Variants in FANCI observed in about 807,000 individuals in gnomAD.
FANCI encodes Fanconi anemia group I protein.
FANCI carries 156 observed loss-of-function variants against 176.1 expected under a neutral mutation model. That is an observed-to-expected ratio of 0.89 (90% CI 0.78 to 1.01). The LOEUF (loss-of-function observed/expected upper bound fraction) is 1.01, where lower values mean the gene tolerates loss of function less well. Ranked by LOEUF, FANCI falls within the 50% of genes least tolerant of loss-of-function variation. The probability of loss-of-function intolerance (pLI) is 0.00; values close to 1 mark genes in which losing one functional copy is unlikely to be tolerated. For missense variants in FANCI, 1,678 were observed against 1,534.1 expected (o/e 1.09, Z -1.57); for synonymous variants, 613 against 541.7 (o/e 1.13, Z -1.83).
intron 19 of FANCI, 129 bp downstream of exon 19, chr15:89,290,410 T>G: frequency 1.3e-6 from 1 of 755,504 alleles, no homozygotes; most frequent in South Asian, 1.5e-5. Context: ...GAACATGCTG[T>G]GGGTATGTTA....
intron 2 of FANCI, among the ~76,000 whole-genome samples, chr15:89,250,562 G>A (rs1377301197): frequency 7.9e-6 from 1 of 126,410 alleles, no homozygotes; most frequent in East Asian, 2.9e-4. Context: ...AGGGGAGGGG[G>A]GAGGGATAGC....
At position 89,315,335 on chromosome 15, in the gene FANCI, A is replaced by G; in HGVS notation, c.3870A>G (p.Lys1290=). Residue 1290 remains lysine, a synonymous_variant, in exon 37 of 38, where the codon AAA becomes AAG. Coordinates refer to ENST00000310775, the MANE Select transcript of FANCI (RefSeq NM_001113378.2). ...KLSTSRDFKI[K]GNILDMVLRE... ...GCACCTCACGAGACTTCAAGATCAAAGGAAACATCCTAGACATGGTTCTTC... is the reference window on the plus strand; with the variant it reads ...GCACCTCACGAGACTTCAAGATCAAGGGAAACATCCTAGACATGGTTCTTC... 6.2e-7 allele frequency: 1 copy of G among 1,614,106 alleles called. No individual in the cohort carries two copies. Among genetic ancestry groups the G allele is most frequent in the South Asian group, 1.1e-5 (1 of 91,080 alleles).
At chr15:89,314,579 C>T (rs1212451342) in intron 35 of FANCI, 33 bp from the exon 36 acceptor site, 2 of 1,530,964 alleles carry the variant, frequency 1.3e-6, no homozygotes, top group South Asian at 1.1e-5. Flanking sequence ...ACCATTGAAC[C>T]TGAAATTTAA....
At chr15:89,296,792 C>T (rs868310780) in intron 24 of FANCI, among the ~76,000 whole-genome samples, 17 of 151,672 alleles carry the variant, frequency 1.1e-4, no homozygotes, top group African/African-American at 3.9e-4. Context: ...GACGGGGCGG[C>T]TGGCCAGGTG....
At chr15:89,284,610 A>T (rs2053745319) in intron 17 of FANCI, among the ~76,000 whole-genome samples, 1 of 152,194 alleles carries the variant, frequency 6.6e-6, no homozygotes, top group South Asian at 2.1e-4. Flanking sequence ...AGGATTAGGA[A>T]TTCTTGGTCT....
In FANCI at chr15:89,258,772, C is replaced by G. The variant is rs1232437778; in HGVS notation, c.153C>G (p.Phe51Leu). Residue 51 changes from phenylalanine to leucine, a missense_variant, in exon 3 of 38, where the codon TTC becomes TTG. By Grantham distance (22) the Phe-to-Leu change is conservative. Coordinates refer to ENST00000310775, the MANE Select transcript of FANCI (RefSeq NM_001113378.2). ...KVAGALLRAIFKGSPCSEEAG... is the reference protein window; with the variant it reads ...KVAGALLRAILKGSPCSEEAG... ...CTGGAGCACTCCTGAGAGCCATCTTCAAAGGTAATAATAATTAATGTCACT... is the reference window on the plus strand; with the variant it reads ...CTGGAGCACTCCTGAGAGCCATCTTGAAAGGTAATAATAATTAATGTCACT... 3.7e-6 allele frequency: 6 copies of G among 1,606,362 alleles called. No homozygotes were observed. Among genetic ancestry groups the G allele is most frequent in the South Asian group, 3.3e-5 (3 of 90,914 alleles).
chr15:89,268,061 T>G (rs1000389339), intron 9 of FANCI, among the ~76,000 whole-genome samples: 2 of 152,238 alleles, frequency 1.3e-5, no homozygotes, highest in African/African-American at 4.8e-5. Flanking sequence ...TCGTAGCACC[T>G]GTCCTTGTCT....
intron 34 of FANCI, 24 bp from the exon 35 acceptor site, chr15:89,312,880 G>C (rs376270933): frequency 1.3e-6 from 2 of 1,576,402 alleles, no homozygotes; most frequent in Admixed American, 1.7e-5. Flanking sequence ...TCAGGAATAA[G>C]AGAATGTGTT....
chr15:89,305,019 AC>A lies in FANCI; in HGVS notation c.3059-93del, dbSNP rs1470477334. The A allele has an allele frequency of 9.0e-6, 13 of 1,437,734 alleles. No homozygotes were observed. The East Asian group carries it at 2.8e-4, about 31-fold the overall frequency. The allele number at this position is 1,437,734 out of a possible 1,614,324, so 89.1% of individuals were successfully genotyped here. On this transcript the variant is annotated intron_variant, in intron 28 of 37. Transcript: ENST00000310775. ...TTGAATTCCTGACCTCAGGTGATCC[AC>A]CCGCCTTGGCCTCCCAAAGTGCTGG...
chr15:89,273,582 C>G (rs2053290319), intron 11 of FANCI, 113 bp downstream of exon 11: 1 of 700,372 alleles, frequency 1.4e-6, no homozygotes, highest in African/African-American at 1.8e-5. Context: ...CAATTTTATC[C>G]CCTTCCTGCC....
intron 9 of FANCI, among the ~76,000 whole-genome samples, chr15:89,268,033 A>G (rs946973144): frequency 6.6e-6 from 1 of 152,360 alleles, no homozygotes; most frequent in Middle Eastern, 3.4e-3. Flanking sequence ...GTTTAGCTTG[A>G]GTTGGTCTAC....
At chr15:89,311,203 G>A (rs1350151071) in intron 34 of FANCI, among the ~76,000 whole-genome samples, 1 of 151,980 alleles carries the variant, frequency 6.6e-6, no homozygotes, top group Non-Finnish European at 1.5e-5. Flanking sequence ...AGGTTGCAGT[G>A]AGATGAGATC....
At chr15:89,287,231 C>T (rs1743669618) in intron 18 of FANCI, among the ~76,000 whole-genome samples, 1 of 152,158 alleles carries the variant, frequency 6.6e-6, no homozygotes, top group South Asian at 2.1e-4. Context: ...CCTCGGCCTC[C>T]TAAAGTGCTG....
chr15:89,247,762 G>T (rs1261258680), intron 2 of FANCI, 31 bp downstream of exon 2: 1 of 1,587,350 alleles, frequency 6.3e-7, no homozygotes, highest in Non-Finnish European at 8.7e-7. Context: ...TCTGCTAAAA[G>T]TAAATGTCAG....
At chr15:89,302,363 ACTGCTGTTTTTG>A (rs535753185) in intron 27 of FANCI, among the ~76,000 whole-genome samples, 49 of 152,190 alleles carry the variant, frequency 3.2e-4, no homozygotes, top group African/African-American at 1.1e-3. Context: ...GTTCTTTCAT[ACTGCTGTTTTTG>A]CTGCAAAGAG....
intron 17 of FANCI, 148 bp downstream of exon 17, chr15:89,283,398 T>C: frequency 7.9e-7 from 1 of 1,261,784 alleles, no homozygotes; most frequent in Non-Finnish European, 1.1e-6. Flanking sequence ...CTGATGATGA[T>C]GATGATGATG....
chr15:89,269,705 G>C (rs1396553975), intron 10 of FANCI, among the ~76,000 whole-genome samples: 3 of 152,194 alleles, frequency 2.0e-5, no homozygotes, highest in Non-Finnish European at 4.4e-5. Flanking sequence ...CAGCAAGAAG[G>C]CAGCCATAGA....
In FANCI at chr15:89,294,265, T is replaced by C. The variant is rs140084288; in HGVS notation, c.2456+268T>C. Among the ~76,000 whole-genome samples, 404 of 152,154 alleles carry C rather than the reference T, an allele frequency of 2.7e-3. 8 individuals are homozygous for C. Among genetic ancestry groups the C allele is most frequent in the East Asian group, 0.015 (76 of 5,186 alleles). On this transcript the variant is annotated intron_variant, in intron 23 of 37. Coordinates refer to ENST00000310775, the MANE Select transcript of FANCI (RefSeq NM_001113378.2). ...GGTGTTTTAAGAAAATCTATGTAAG[T>C]AGCTTGTACAAGATAACAGATATAA...
intron 23 of FANCI, among the ~76,000 whole-genome samples, chr15:89,294,204 G>A (rs1437482668): frequency 2.0e-5 from 3 of 152,192 alleles, no homozygotes; most frequent in African/African-American, 4.8e-5. Flanking sequence ...GAAACAGTGG[G>A]CCAATAAATG....
Sources: gnomAD v4.1 joint callset for allele counts (sites outside exome capture counted in the v4.1 genomes callset) on GRCh38, gnomAD v4.1.1 for gene constraint, MANE v1.5 for transcripts, NCBI Gene and HGNC (gene_info 2026-07-23, HGNC 2026-07-21) for gene names.